UBN1: variants seen among roughly 807,000 people sequenced by gnomAD.
UBN1 encodes the protein ubinuclein 1, also known as ubinuclein-1.
In UBN1, 17 loss-of-function variants were observed where a neutral mutation model predicts 108.5. The observed-to-expected ratio is 0.16, with a 90% CI of 0.11 to 0.24. The LOEUF (loss-of-function observed/expected upper bound fraction) is 0.24. Ranked by LOEUF, UBN1 falls within the 10% of genes least tolerant of loss-of-function variation. UBN1 has a pLI of 1.00. For synonymous variants in UBN1, 726 were observed against 564.2 expected (o/e 1.29, Z -4.07); for missense variants, 1,595 against 1,394.4 (o/e 1.14, Z -2.29).
intron 14 of UBN1, among the ~76,000 whole-genome samples, chr16:4,873,525 T>C (rs371820947): frequency 3.3e-5 from 5 of 152,196 alleles, no homozygotes; most frequent in South Asian, 2.1e-4. Flanking sequence ...TTACCTTAGA[T>C]GTTGCAGAAA....
chr16:4,849,596 C>CTTTTTTT (rs372351491), intron 1 of UBN1, among the ~76,000 whole-genome samples: 104 of 150,696 alleles, frequency 6.9e-4, no homozygotes, highest in African/African-American at 2.4e-3. Context: ...TTGTTTTTTT[C>CTTTTTTT]TTTTTTTTGT....
Position 4,882,226 on chromosome 16 carries a change from T to TA in UBN1, c.*2095dup, listed in dbSNP as rs1342102402. ...GGCGCAGCGAAAGTCTCTGAGCACT[T>TA]ACCGGGCGTGACCGTTTCTTAGGTG... On this transcript the variant is annotated 3_prime_UTR_variant, in exon 18 of 18. Transcript: ENST00000262376. 1 of 152,670 alleles carries TA rather than the reference T, an allele frequency of 6.6e-6. No individual in the cohort carries two copies. The highest frequency in any genetic ancestry group is 2.4e-5 in the African/African-American group (1 of 41,430). 9.5% of individuals were successfully genotyped at this position (152,670 alleles called of 1,614,324 possible).
chr16:4,867,371 T>C lies in UBN1; in HGVS notation c.1111-1462T>C, dbSNP rs150506687. On this transcript the variant is annotated intron_variant, in intron 7 of 17. Transcript: ENST00000262376. Reference sequence around the variant, plus strand: ...TGTTTTCTAACCAAATGTGGGTTGATTTGAGGGATGCTAAATCTGTGTATA... The same window carrying C: ...TGTTTTCTAACCAAATGTGGGTTGACTTGAGGGATGCTAAATCTGTGTATA... 2.0e-3 allele frequency among the ~76,000 whole-genome samples: 311 copies of C among 151,962 alleles called. 3 individuals carry two copies. Among genetic ancestry groups the C allele is most frequent in the African/African-American group, 7.4e-3 (306 of 41,416 alleles).
intron 7 of UBN1, among the ~76,000 whole-genome samples, chr16:4,865,614 G>A (rs555623498): frequency 6.6e-6 from 1 of 152,196 alleles, no homozygotes; most frequent in African/African-American, 2.4e-5. Context: ...AAGGCTGTAT[G>A]AGCTGCGATC....
chr16:4,858,336 TAAG>T (rs1404844955), intron 3 of UBN1, among the ~76,000 whole-genome samples: 2 of 152,346 alleles, frequency 1.3e-5, no homozygotes, highest in East Asian at 3.9e-4. Flanking sequence ...GTACAAAGCA[TAAG>T]AAGCCATTTA....
chr16:4,859,233 C>T, intron 5 of UBN1, 74 bp downstream of exon 5: 1 of 1,561,834 alleles, frequency 6.4e-7, no homozygotes, highest in Non-Finnish European at 8.6e-7. Context: ...GGTGACTTGC[C>T]AGAATACGTG....
intron 1 of UBN1, 95 bp from the exon 2 acceptor site, chr16:4,852,784 C>CA: frequency 8.0e-7 from 1 of 1,246,308 alleles, no homozygotes; most frequent in South Asian, 1.6e-5. Flanking sequence ...GTTTTCTTGA[C>CA]AATGAAATTC....
At chr16:4,855,558 G>T (rs1450570521) in intron 2 of UBN1, among the ~76,000 whole-genome samples, 3 of 147,680 alleles carry the variant, frequency 2.0e-5, no homozygotes, top group Non-Finnish European at 4.4e-5. Context: ...CAAGGTTGCA[G>T]TGAGCCGTGA....
At position 4,876,771 on chromosome 16, in the gene UBN1, T is replaced by C. The variant is rs138934070; in HGVS notation, c.3025-100T>C. On this transcript the variant is annotated intron_variant, in intron 15 of 17. Coordinates refer to ENST00000262376, the MANE Select transcript of UBN1 (RefSeq NM_001079514.3). ...CTGACATGGATGTGTATGTCCTCCTTTGTGGACACACAAGGAGGATCCTTT... is the reference window on the plus strand; with the variant it reads ...CTGACATGGATGTGTATGTCCTCCTCTGTGGACACACAAGGAGGATCCTTT... 5.9e-4 allele frequency: 889 copies of C among 1,499,108 alleles called. 1 individual carries two copies. The African/African-American group carries it at 0.012, about 20-fold the overall frequency. 92.9% of individuals were successfully genotyped at this position (1,499,108 alleles called of 1,614,324 possible).
In UBN1 at chr16:4,877,087, T is replaced by G. The variant is rs1250624429; in HGVS notation, c.3241T>G (p.Ser1081Ala). The G allele has an allele frequency of 1.2e-6, 2 of 1,612,702 alleles. No homozygotes were observed. Among genetic ancestry groups the G allele is most frequent in the Non-Finnish European group, 1.7e-6 (2 of 1,179,386 alleles). Reference protein sequence around the residue: ...DAIVTGPAPGSFHHGLGHSLL... With the variant: ...DAIVTGPAPGAFHHGLGHSLL... ...CATCGTCACAGGCCCTGCCCCCGGG[T>G]CCTTCCACCATGGCCTTGGCCACAG... Residue 1081 changes from serine to alanine, a missense_variant, in exon 16 of 18, where the codon TCC (serine) becomes GCC (alanine). Physicochemically the swap from Ser to Ala is moderately conservative, Grantham distance 99 (BLOSUM62 1). Transcript: ENST00000262376. The surrounding 1 kb of genome is among the most constrained non-coding windows in gnomAD (Gnocchi z 4.3).
intron 1 of UBN1, among the ~76,000 whole-genome samples, chr16:4,849,118 AAG>A (rs1450068511): frequency 6.6e-6 from 1 of 152,194 alleles, no homozygotes; most frequent in Non-Finnish European, 1.5e-5. Context: ...AAAAAGAAAA[AAG>A]AAAAAAAAAT....
chr16:4,848,793 ATAACT>A, intron 1 of UBN1, among the ~76,000 whole-genome samples: 1 of 152,370 alleles, frequency 6.6e-6, no homozygotes, highest in South Asian at 2.1e-4. Flanking sequence ...TGAGATTTTA[ATAACT>A]TAAATAAAAA....
intron 4 of UBN1, 118 bp downstream of exon 4, chr16:4,858,781 G>A (rs949258271): frequency 4.9e-6 from 5 of 1,026,726 alleles, no homozygotes; most frequent in African/African-American, 3.2e-5. Flanking sequence ...GCATGAGGCA[G>A]TAGCAGCACT....
rs184899440 is a variant in UBN1, at chr16:4,857,453, A to G, written c.250-537A>G. Among the ~76,000 whole-genome samples, 129 of 152,142 alleles carry G rather than the reference A, an allele frequency of 8.5e-4. 1 individual carries two copies. The highest frequency in any genetic ancestry group is 1.9e-4 in the Non-Finnish European group (13 of 68,002). ...TGATGAGAAAAGAATAAGCTTATAAAATGGAAATAAGCCTTGGAAGCCTGA... is the reference window on the plus strand; with the variant it reads ...TGATGAGAAAAGAATAAGCTTATAAGATGGAAATAAGCCTTGGAAGCCTGA... On this transcript the variant is annotated intron_variant, in intron 2 of 17. Transcript: ENST00000262376.
In UBN1 at chr16:4,868,847, T is replaced by C; in HGVS notation, c.1125T>C (p.Ala375=). The C allele has an allele frequency of 1.8e-5, 29 of 1,613,878 alleles. No individual in the cohort carries two copies. The highest frequency in any genetic ancestry group is 2.5e-5 in the Non-Finnish European group (29 of 1,179,850). The change falls in exon 8 of 18, where the codon GCT becomes GCC. Residue 375 remains alanine, a synonymous_variant. Transcript: ENST00000262376. ...VKELAQAARA[A]EGESRQKFFT... is the part of the protein sequence containing the mutation. The stretch of plus-strand genomic sequence containing the variant: ...CTGTGCACCAGGCTGCCAGAGCTGC[T>C]GAGGGGGAGAGCAGACAGAAGTTCT...
At chr16:4,880,021 T>G in intron 17 of UBN1, 62 bp from the exon 18 acceptor site, 1 of 1,587,066 alleles carries the variant, frequency 6.3e-7, no homozygotes, top group Admixed American at 1.7e-5. Context: ...TGGTTACTAC[T>G]GCCTTAAGGA....
chr16:4,878,811 G>A (rs1353313774), intron 17 of UBN1, among the ~76,000 whole-genome samples: 1 of 152,204 alleles, frequency 6.6e-6, no homozygotes, highest in Admixed American at 6.5e-5. Flanking sequence ...AGGAGTTCAA[G>A]ACCAGCCTGG....
chr16:4,856,034 C>A (rs896238755), intron 2 of UBN1, among the ~76,000 whole-genome samples: 1 of 152,212 alleles, frequency 6.6e-6, no homozygotes, highest in African/African-American at 2.4e-5. Flanking sequence ...GTTGCATGAG[C>A]ACCACTGGGC....
rs1238455972 is a variant in UBN1 at position 4,881,566 on chromosome 16, TC to T, written c.*1437del. ...AAACGGACCGCTCTTGGCTCCTGAC[TC>T]CCAGGGTACAGCGCCCAGTAACTCA... On this transcript the variant is annotated 3_prime_UTR_variant, in exon 18 of 18. Transcript: ENST00000262376. The T allele has an allele frequency of 6.6e-6, 1 of 152,110 alleles. No homozygotes were observed. The highest frequency in any genetic ancestry group is 1.5e-5 in the Non-Finnish European group (1 of 68,028). 9.4% of individuals were successfully genotyped at this position (152,110 alleles called of 1,614,324 possible). A position where few individuals can be genotyped will look rare whatever the true frequency, so the allele number is the denominator to read the frequency against.
Sources: gnomAD v4.1 joint callset for allele counts (sites outside exome capture counted in the v4.1 genomes callset) on GRCh38, gnomAD v4.1.1 for gene constraint, Gnocchi (gnomAD v3.1) non-coding constraint, MANE v1.5 for transcripts, NCBI Gene and HGNC (gene_info 2026-07-23, HGNC 2026-07-21) for gene names.